TPPP2: variants seen among roughly 807,000 people sequenced by gnomAD.
TPPP2 encodes tubulin polymerization-promoting protein family member 2.
A neutral mutation model predicts 13.0 loss-of-function variants in TPPP2; 8 were observed. The observed-to-expected ratio is 0.62, with a 90% confidence interval of 0.36 to 1.11. The LOEUF is 1.11. Ranked by LOEUF, TPPP2 falls within the 50% of genes most tolerant of loss-of-function variation. The probability of loss-of-function intolerance (pLI) is 0.02; values close to 1 mark genes in which losing one functional copy is unlikely to be tolerated. For missense variants in TPPP2, 213 were observed against 216.9 expected (o/e 0.98, Z 0.11); for synonymous variants, 81 against 81.8 (o/e 0.99, Z 0.05).
In TPPP2 at chr14:21,031,095, G is replaced by A. The variant is rs772932917; in HGVS notation, c.257G>A (p.Ser86Asn). The A allele has an allele frequency of 4.3e-6, 7 of 1,614,096 alleles. No individual in the cohort carries two copies. The highest frequency in any genetic ancestry group is 5.9e-6 in the Non-Finnish European group (7 of 1,180,052). The change falls in exon 3 of 4, where the codon AGT becomes AAT. Residue 86 changes from serine to asparagine, a missense_variant. By Grantham distance (46) the Ser-to-Asn change is conservative (BLOSUM62 1). Transcript: ENST00000321760. ...GGCCAGAAGCGCTTCAAAGGGAAGA[G>A]TCCAGATGAAGTCCTGGAGAACATT... ...ELGQKRFKGK[S>N]PDEVLENIYG...
chr14:21,035,748 T>A (rs1291999750), downstream of TPPP2: 1 of 456,040 alleles, frequency 2.2e-6, no homozygotes, highest in Non-Finnish European at 4.4e-6. Context: ...CAAAATGGAA[T>A]CCATCCTCCC....
downstream of TPPP2, chr14:21,033,866 C>T (rs1014604778): frequency 2.5e-6 from 4 of 1,614,116 alleles, no homozygotes; most frequent in Non-Finnish European, 2.5e-6. Context: ...CAGCTTCATA[C>T]TTGCGGGAGC....
chr14:21,030,834 C>A, intron 2 of TPPP2, 80 bp downstream of exon 2: 1 of 1,546,232 alleles, frequency 6.5e-7, no homozygotes, highest in South Asian at 1.2e-5. Context: ...CGTGGTGGAA[C>A]ATTTGCAGTG....
Position 21,030,764 on chromosome 14 carries a change from CAA to C in TPPP2, c.173+14_173+15del. On this transcript the variant is annotated intron_variant, in intron 2 of 3. Coordinates refer to ENST00000321760, the MANE Select transcript of TPPP2 (RefSeq NM_173846.5). ...TGTTCAGCAAAGTCAAGTGAGGAGC[CAA>C]AAATATGGAGGTGGGGGTGAGAAGA... The C allele has an allele frequency of 6.2e-7, 1 of 1,612,106 alleles. No homozygotes were observed. The highest frequency in any genetic ancestry group is 8.5e-7 in the Non-Finnish European group (1 of 1,178,994).
chr14:21,024,477 A>G, intron 1 of TPPP2: 1 of 966,566 alleles, frequency 1.0e-6, no homozygotes, highest in Non-Finnish European at 1.2e-6. Flanking sequence ...GCGGGGGAAT[A>G]GGGGATCCCC....
At chr14:21,028,438 TTATC>T (rs956142881), upstream of TPPP2, 1 of 152,048 alleles carries the variant, frequency 6.6e-6, no homozygotes, top group Non-Finnish European at 1.5e-5. Context: ...TATTATTTAT[TTATC>T]TAGAGACAAG....
chr14:21,035,081 A>C (rs1884531038), downstream of TPPP2, among the ~76,000 whole-genome samples: 1 of 152,200 alleles, frequency 6.6e-6, no homozygotes, highest in South Asian at 2.1e-4. Flanking sequence ...CCACTTTGTC[A>C]TCCCACTCAC....
At chr14:21,035,768 T>C, downstream of TPPP2, 1 of 456,296 alleles carries the variant, frequency 2.2e-6, no homozygotes, top group Non-Finnish European at 4.4e-6. Context: ...CCATAACTTG[T>C]TTCTCTTCCT....
rs187705303 is a variant in TPPP2 at position 21,030,840 on chromosome 14, C to T, written c.173+86C>T. 7.2e-6 allele frequency: 11 copies of T among 1,535,382 alleles called. No individual in the cohort carries two copies. In the Admixed American group the frequency reaches 2.0e-4, roughly 28 times the overall value. ...AAGGGTTCACGTGGTGGAACATTTG[C>T]AGTGGGCCTACCAAGCACCACAGGG... On this transcript the variant is annotated intron_variant, in intron 2 of 3. Transcript: ENST00000321760.
chr14:21,032,055 C>T lies in TPPP2; in HGVS notation c.491C>T (p.Thr164Ile), dbSNP rs1458310383. 1.2e-6 allele frequency: 2 copies of T among 1,613,866 alleles called. No individual in the cohort carries two copies. Among genetic ancestry groups the T allele is most frequent in the South Asian group, 1.1e-5 (1 of 91,070 alleles). Residue 164 changes from threonine (T) to isoleucine (I), a missense_variant, in exon 4 of 4, where the codon ACC (threonine) becomes ATC (isoleucine). Transcript: ENST00000321760. ...GTGAGTGGTTACAAGGGTTCTGGCA[C>T]CTACGATAAGAAGACCAAGTAGAGA... ...GYVSGYKGSGTYDKKTK is the reference protein window; with the variant it reads ...GYVSGYKGSGIYDKKTK
At chr14:21,027,171 T>C (rs1237099618), upstream of TPPP2, among the ~76,000 whole-genome samples, 1 of 152,208 alleles carries the variant, frequency 6.6e-6, no homozygotes, top group Non-Finnish European at 1.5e-5. Context: ...CCCAGCCTGC[T>C]GCAGGCAGAA....
upstream of TPPP2, among the ~76,000 whole-genome samples, chr14:21,026,371 C>A (rs952095042): frequency 4.7e-5 from 7 of 148,980 alleles, no homozygotes; most frequent in African/African-American, 1.7e-4. Context: ...TCCTGAGTTG[C>A]CATTTCGGGG....
At chr14:21,024,675 GC>G (rs1225337001) in intron 1 of TPPP2, 69 of 985,402 alleles carry the variant, frequency 7.0e-5, no homozygotes, top group Middle Eastern at 5.2e-4. Context: ...TCCCCCGACG[GC>G]CCGCGAAGGC....
downstream of TPPP2, chr14:21,033,857 A>C (rs776353982): frequency 6.2e-7 from 1 of 1,613,866 alleles, no homozygotes; most frequent in African/African-American, 1.3e-5. Flanking sequence ...CTATTGGATC[A>C]GCTTCATACT....
At chr14:21,034,651 C>T (rs1884498910), downstream of TPPP2, 1 of 217,876 alleles carries the variant, frequency 4.6e-6, no homozygotes, top group Non-Finnish European at 9.1e-6. Flanking sequence ...AAGGAGCAGG[C>T]TGACCTGACA....
downstream of TPPP2, chr14:21,033,570 T>A: frequency 1.8e-6 from 1 of 552,530 alleles, no homozygotes; most frequent in East Asian, 3.1e-5. Flanking sequence ...GGTTTTACTG[T>A]CTCTGGGAGA....
At chr14:21,029,308 T>A (rs75654357), upstream of TPPP2, 1 of 152,210 alleles carries the variant, frequency 6.6e-6, no homozygotes, top group Non-Finnish European at 1.5e-5. Context: ...TATATTAAAA[T>A]CCTAACTCCC....
At chr14:21,035,940 A>C (rs1447316476), downstream of TPPP2, 2 of 428,014 alleles carry the variant, frequency 4.7e-6, no homozygotes, top group African/African-American at 2.0e-5. Flanking sequence ...CTGCCTCTGC[A>C]GCTTACAAAC....
upstream of TPPP2, chr14:21,025,702 C>A: frequency 1.0e-6 from 1 of 984,566 alleles, no homozygotes; most frequent in Non-Finnish European, 1.2e-6. The surrounding 1 kb of genome is among the most constrained non-coding windows in gnomAD (Gnocchi z 5.1). Flanking sequence ...TGCGTCCCGA[C>A]GCCTGCTCTC....
Sources: gnomAD v4.1 joint callset for allele counts (sites outside exome capture counted in the v4.1 genomes callset) on GRCh38, gnomAD v4.1.1 for gene constraint, Gnocchi (gnomAD v3.1) non-coding constraint, MANE v1.5 for transcripts, NCBI Gene and HGNC (gene_info 2026-07-23, HGNC 2026-07-21) for gene names.